The following SCHIP1 variants were observed in gnomAD, a reference collection of about 807,000 sequenced individuals.
SCHIP1 encodes the protein schwannomin interacting protein 1, also known as schwannomin-interacting protein 1.
A neutral mutation model predicts 29.7 loss-of-function variants in SCHIP1; 8 were observed. That is an observed-to-expected ratio of 0.27 (90% CI 0.16 to 0.49). The LOEUF is 0.49. Among genes scored for constraint, SCHIP1 ranks in the 20% least tolerant of loss-of-function variants. SCHIP1 has a pLI of 0.99. For synonymous variants in SCHIP1, 76 were observed against 94.9 expected, an observed-to-expected ratio of 0.80 and a Z score of 1.16; for missense variants, 193 against 294.6, an observed-to-expected ratio of 0.66 and a Z score of 2.52.
At chr3:159,746,168 G>C in the SCHIP1 span, among the ~76,000 whole-genome samples, 1 of 152,200 alleles carries the variant, frequency 6.6e-6, no homozygotes, top group Non-Finnish European at 1.5e-5. Context: ...TAGAATTATA[G>C]ATATAAAATT....
chr3:159,345,554 T>TTCTCTCTC, the SCHIP1 span, among the ~76,000 whole-genome samples: 1 of 93,446 alleles, frequency 1.1e-5, no homozygotes, highest in Non-Finnish European at 2.4e-5. Flanking sequence ...GTGTCTCTCT[T>TTCTCTCTC]TCTCTCTCTC....
chr3:159,744,813 TA>T, the SCHIP1 span, among the ~76,000 whole-genome samples: 3 of 150,712 alleles, frequency 2.0e-5, no homozygotes, highest in African/African-American at 7.3e-5. Context: ...TCACCTCTAC[TA>T]AAAAAAAATA....
the SCHIP1 span, among the ~76,000 whole-genome samples, chr3:159,289,560 C>A: frequency 8.4e-4 from 128 of 152,274 alleles, 1 homozygote; most frequent in Middle Eastern, 6.8e-3. Flanking sequence ...TTCACAACTA[C>A]CATTATTCTC....
chr3:159,507,858 A>T, the SCHIP1 span, among the ~76,000 whole-genome samples: 4 of 152,282 alleles, frequency 2.6e-5, no homozygotes, highest in East Asian at 7.7e-4. Context: ...GTCCTGCTGG[A>T]TTCGGTTTGC....
chr3:159,558,756 T>C, the SCHIP1 span, among the ~76,000 whole-genome samples: 2 of 152,168 alleles, frequency 1.3e-5, no homozygotes, highest in African/African-American at 4.8e-5. Context: ...GCAGAGTGTA[T>C]ATGAGAAAGC....
At chr3:159,638,377 T>C in the SCHIP1 span, among the ~76,000 whole-genome samples, 1 of 152,194 alleles carries the variant, frequency 6.6e-6, no homozygotes, top group Non-Finnish European at 1.5e-5. Context: ...AAGGGTCTTA[T>C]TAATTGTAGC....
intron 2 of SCHIP1, among the ~76,000 whole-genome samples, chr3:159,883,139 G>A (rs1361201705): frequency 6.6e-6 from 1 of 152,174 alleles, no homozygotes; most frequent in Non-Finnish European, 1.5e-5. Flanking sequence ...CGACAGGCAA[G>A]GCTGACTTCC....
chr3:159,547,941 T>C, the SCHIP1 span, among the ~76,000 whole-genome samples: 2 of 152,228 alleles, frequency 1.3e-5, no homozygotes, highest in African/African-American at 4.8e-5. Context: ...AATAATCATA[T>C]GATTTTCTGT....
At chr3:159,430,421 A>T in the SCHIP1 span, among the ~76,000 whole-genome samples, 1 of 152,180 alleles carries the variant, frequency 6.6e-6, no homozygotes, top group African/African-American at 2.4e-5. Flanking sequence ...ACTAGTGATT[A>T]TACCAGACAA....
chr3:159,479,920 C>T, the SCHIP1 span, among the ~76,000 whole-genome samples: 4 of 152,122 alleles, frequency 2.6e-5, no homozygotes, highest in Non-Finnish European at 4.4e-5. Flanking sequence ...GTAATGAAGA[C>T]GTTATTTCTA....
chr3:159,623,541 G>C, the SCHIP1 span, among the ~76,000 whole-genome samples: 1 of 152,096 alleles, frequency 6.6e-6, no homozygotes. Flanking sequence ...CAAGAGAATT[G>C]CTTGAACCTG....
At chr3:159,438,215 GT>G in the SCHIP1 span, among the ~76,000 whole-genome samples, 1 of 152,100 alleles carries the variant, frequency 6.6e-6, no homozygotes, top group Non-Finnish European at 1.5e-5. Context: ...TCGAAATGGG[GT>G]ATAGGGCTGG....
the SCHIP1 span, among the ~76,000 whole-genome samples, chr3:159,509,030 T>G: frequency 6.6e-6 from 1 of 152,162 alleles, no homozygotes; most frequent in African/African-American, 2.4e-5. Context: ...CCTTGTTAAC[T>G]TTCTGTCTTG....
At chr3:159,892,625 A>G (rs192514569) in intron 6 of SCHIP1, 21 of 212,734 alleles carry the variant, frequency 9.9e-5, no homozygotes, top group African/African-American at 4.6e-4. Flanking sequence ...AGGCAGGGAC[A>G]CTGGCATCTC....
At chr3:159,357,260 C>T in the SCHIP1 span, among the ~76,000 whole-genome samples, 2 of 152,036 alleles carry the variant, frequency 1.3e-5, no homozygotes, top group Non-Finnish European at 2.9e-5. Flanking sequence ...GAGAGAGACC[C>T]CACAGAATTT....
chr3:159,472,864 G>A, the SCHIP1 span, among the ~76,000 whole-genome samples: 3,189 of 152,292 alleles, frequency 0.021, 53 homozygotes, highest in Admixed American at 0.037. Context: ...TTAAGATTCA[G>A]TGGAAGAATC....
chr3:159,832,572 C>T, the SCHIP1 span, among the ~76,000 whole-genome samples: 2 of 152,186 alleles, frequency 1.3e-5, no homozygotes, highest in African/African-American at 4.8e-5. Flanking sequence ...CCCTAACACA[C>T]GACTACTGAA....
chr3:159,842,825 C>T (rs1374379676), intron 1 of SCHIP1, among the ~76,000 whole-genome samples: 1 of 150,948 alleles, frequency 6.6e-6, no homozygotes, highest in East Asian at 2.0e-4. Context: ...TCACATTCAA[C>T]CAGGCATCTA....
the SCHIP1 span, among the ~76,000 whole-genome samples, chr3:159,754,159 TA>T: frequency 2.6e-5 from 4 of 152,240 alleles, no homozygotes; most frequent in Non-Finnish European, 5.9e-5. Context: ...TGTGTTGAAT[TA>T]ATAACAGGTT....
Sources: allele counts gnomAD v4.1 joint callset (sites outside exome capture counted in the v4.1 genomes callset), GRCh38; gene constraint gnomAD v4.1.1; transcripts MANE v1.5; gene names NCBI Gene and HGNC (gene_info 2026-07-23, HGNC 2026-07-21).